Variants in CNOT3 observed in about 807,000 individuals in gnomAD.
CNOT3 encodes the protein CCR4-NOT transcription complex subunit 3, also known as CCR4-associated factor 3.
In CNOT3, 2 loss-of-function variants were observed where a neutral mutation model predicts 89.4. The ratio of observed to expected loss-of-function variants is 0.02; its 90% CI spans 0.01 to 0.07. CNOT3 has a LOEUF of 0.07. Ranked by LOEUF, CNOT3 falls within the 10% of genes least tolerant of loss-of-function variation. The pLI, the probability that CNOT3 is intolerant of heterozygous loss-of-function variation, is 1.00. For missense variants in CNOT3, 664 were observed against 1,010.2 expected, an observed-to-expected ratio of 0.66 and a Z score of 4.65; for synonymous variants, 486 against 402.0, an observed-to-expected ratio of 1.21 and a Z score of -2.50.
intron 1 of CNOT3, among the ~76,000 whole-genome samples, chr19:54,139,310 C>T (rs1418706779): frequency 6.6e-6 from 1 of 152,168 alleles, no homozygotes; most frequent in Non-Finnish European, 1.5e-5. Flanking sequence ...AAGCCCACTG[C>T]CCTTGATATT....
rs369673103 is a variant in CNOT3, at chr19:54,144,023, A to G, written c.276A>G (p.Lys92=). 6.5e-5 allele frequency: 103 copies of G among 1,596,068 alleles called. No individual in the cohort carries two copies. Among genetic ancestry groups the G allele is most frequent in the Non-Finnish European group, 8.1e-5 (95 of 1,175,384 alleles). Residue 92 remains lysine, a synonymous_variant, in exon 6 of 18, where the codon AAA becomes AAG. Transcript: ENST00000221232. The surrounding 1 kb of genome is among the most constrained non-coding windows in gnomAD (Gnocchi z 4.8). ...KLIETQMERF[K]VVERETKTKA... ...CTCTACAGCAAATGGAACGGTTCAA[A>G]GTTGTGGAACGAGAGACCAAAACCA...
chr19:54,155,502 A>T lies in CNOT3; in HGVS notation c.*95A>T. The T allele has an allele frequency of 1.0e-6, 1 of 961,040 alleles. No individual in the cohort carries two copies. The highest frequency in any genetic ancestry group is 1.5e-6 in the Non-Finnish European group (1 of 647,134). The allele number at this position is 961,040 out of a possible 1,614,324, so 59.5% of individuals were successfully genotyped here. A position where few individuals can be genotyped will look rare whatever the true frequency, so the allele number is the denominator to read the frequency against. On this transcript the variant is annotated 3_prime_UTR_variant, in exon 18 of 18. Transcript: ENST00000221232. Reference sequence around the variant, plus strand: ...CCTGGAAGACTGGAGGGAGGCCCCAAGCCACGGGGCATCCCCCTCTCCCAG... The same window carrying T: ...CCTGGAAGACTGGAGGGAGGCCCCATGCCACGGGGCATCCCCCTCTCCCAG...
At chr19:54,138,452 C>A (rs1183377412) in intron 1 of CNOT3, among the ~76,000 whole-genome samples, 1 of 152,284 alleles carries the variant, frequency 6.6e-6, no homozygotes, top group African/African-American at 2.4e-5. Context: ...GGCCTCGGTC[C>A]TTCGCGTTGT....
At chr19:54,154,158 C>T in intron 17 of CNOT3, 1 of 555,398 alleles carries the variant, frequency 1.8e-6, no homozygotes, top group Non-Finnish European at 3.5e-6. Flanking sequence ...TGGGATTTTC[C>T]CAGTATGTGT....
In CNOT3 at chr19:54,144,448, C is replaced by A; in HGVS notation, c.483+116C>A. ...TTGGGGCCTGGATTCCTCAGGCGGA[C>A]AGGGCCAACAGCCGGGATTAGGGAT... On this transcript the variant is annotated intron_variant, in intron 7 of 17. Transcript: ENST00000221232. The surrounding 1 kb of genome is among the most constrained non-coding windows in gnomAD (Gnocchi z 4.8). 2.7e-6 allele frequency: 2 copies of A among 742,174 alleles called. No individual in the cohort carries two copies. The highest frequency in any genetic ancestry group is 4.7e-6 in the Non-Finnish European group (2 of 426,082). 46.0% of individuals were successfully genotyped at this position (742,174 alleles called of 1,614,324 possible).
At chr19:54,147,965 A>G (rs1330607498) in intron 10 of CNOT3, among the ~76,000 whole-genome samples, 183 bp from the exon 11 acceptor site, 1 of 152,106 alleles carries the variant, frequency 6.6e-6, no homozygotes, top group East Asian at 1.9e-4. Flanking sequence ...TGTTTTAAGC[A>G]TGAAGGTGAT....
At chr19:54,147,320 G>A (rs770434680) in intron 10 of CNOT3, among the ~76,000 whole-genome samples, 7 of 152,314 alleles carry the variant, frequency 4.6e-5, no homozygotes, top group Non-Finnish European at 8.8e-5. Context: ...GGTTCCAAGG[G>A]GACACCCTGA....
chr19:54,149,787 C>T, intron 13 of CNOT3, 29 bp downstream of exon 13: 1 of 1,566,682 alleles, frequency 6.4e-7, no homozygotes, highest in South Asian at 1.2e-5. Context: ...CCCCGAGCCT[C>T]TGTGTCCTGA....
chr19:54,151,087 G>A (rs587722200), intron 13 of CNOT3, among the ~76,000 whole-genome samples: 4 of 152,244 alleles, frequency 2.6e-5, no homozygotes, highest in South Asian at 2.1e-4. Flanking sequence ...CACCGTGCCC[G>A]GCCCAAATTT....
rs1193635024 is a variant in CNOT3, at chr19:54,152,297, T to C, written c.1677T>C (p.Pro559=). The change falls in exon 14 of 18, where the codon CCT becomes CCC. Residue 559 remains proline, a synonymous_variant. Coordinates refer to ENST00000221232, the MANE Select transcript of CNOT3 (RefSeq NM_014516.4). ...CCATCAGCTCTGGCATTGAGGACCCTGTGCCAACGCTGCACCTGACCGAGC... is the reference window on the plus strand; with the variant it reads ...CCATCAGCTCTGGCATTGAGGACCCCGTGCCAACGCTGCACCTGACCGAGC... ...RAAISSGIED[P]VPTLHLTERD... 6.2e-7 allele frequency: 1 copy of C among 1,614,056 alleles called. No homozygotes were observed. The highest frequency in any genetic ancestry group is 1.3e-5 in the African/African-American group (1 of 74,920).
At chr19:54,140,266 G>A (rs2074394194) in intron 1 of CNOT3, among the ~76,000 whole-genome samples, 1 of 150,348 alleles carries the variant, frequency 6.7e-6, no homozygotes, top group Non-Finnish European at 1.5e-5. Flanking sequence ...CCCGCCACCC[G>A]CCTTGTGGGT....
Position 54,148,474 on chromosome 19 carries a change from GAGC to G in CNOT3, c.1230_1232del (p.Ser412del), listed in dbSNP as rs1456346597. ...GAGGCGGCGGCAGCGGAGGCGGAGG[GAGC>G]AGCAGCAGTAGTAACAGCAGTGCCG... On this transcript the variant is annotated inframe_deletion, in exon 11 of 18. Transcript: ENST00000221232. This position sits in a 1 kb window ranked among gnomAD's most constrained non-coding sequence, Gnocchi z 6.3. 3.8e-6 allele frequency: 6 copies of G among 1,561,130 alleles called. No homozygotes were observed. Among genetic ancestry groups the G allele is most frequent in the Non-Finnish European group, 4.3e-6 (5 of 1,150,930 alleles).
chr19:54,148,114 T>C lies in CNOT3; in HGVS notation c.895-34T>C. 7.2e-7 allele frequency: 1 copy of C among 1,392,854 alleles called. No homozygotes were observed. Among genetic ancestry groups the C allele is most frequent in the Non-Finnish European group, 9.4e-7 (1 of 1,068,292 alleles). 86.3% of individuals were successfully genotyped at this position (1,392,854 alleles called of 1,614,324 possible). A position where few individuals can be genotyped will look rare whatever the true frequency, so the allele number is the denominator to read the frequency against. ...TGGTGAGGGAGACCAGCTGGCCCACTGGGTCCTGACCCTCTGCTCTCTCCC... is the reference window on the plus strand; with the variant it reads ...TGGTGAGGGAGACCAGCTGGCCCACCGGGTCCTGACCCTCTGCTCTCTCCC... On this transcript the variant is annotated intron_variant, in intron 10 of 17. Coordinates refer to ENST00000221232, the MANE Select transcript of CNOT3 (RefSeq NM_014516.4). This position sits in a 1 kb window ranked among gnomAD's most constrained non-coding sequence, Gnocchi z 6.3.
At chr19:54,155,211 A>G in intron 17 of CNOT3, 98 bp from the exon 18 acceptor site, 2 of 1,498,264 alleles carry the variant, frequency 1.3e-6, no homozygotes, top group Non-Finnish European at 1.8e-6. Flanking sequence ...TGCCTGACAC[A>G]TCCACAGCCC....
Position 54,149,064 on chromosome 19 carries a change from T to C in CNOT3, c.1406+321T>C, listed in dbSNP as rs587715370. Among the ~76,000 whole-genome samples, 12 of 152,370 alleles carry C rather than the reference T, an allele frequency of 7.9e-5. No homozygotes were observed. In the South Asian group the frequency reaches 2.5e-3, roughly 32 times the overall value. On this transcript the variant is annotated intron_variant, in intron 12 of 17. Transcript: ENST00000221232. ...CAATTGACTGCCACCGGAGGGTCAC[T>C]GTTTCACTTTTCAAAGTGAATTGTC...
rs1417478534 is a variant in CNOT3 at position 54,149,699 on chromosome 19, A to G, written c.1546A>G (p.Lys516Glu). 6.2e-7 allele frequency: 1 copy of G among 1,613,878 alleles called. No homozygotes were observed. Among genetic ancestry groups the G allele is most frequent in the African/African-American group, 1.3e-5 (1 of 74,910 alleles). The change falls in exon 13 of 18, where the codon AAG becomes GAG. Residue 516 changes from lysine to glutamate, a missense_variant. This residue lies in a region of CNOT3 where 545 missense variants were observed against 566.2 expected (regional missense o/e 0.96). Coordinates refer to ENST00000221232, the MANE Select transcript of CNOT3 (RefSeq NM_014516.4). Reference sequence around the variant, plus strand: ...CCCAACGCCCAGCTTCAGTGATGCCAAGGCAGCCGGTGCCCTGCTCAATGG... The same window carrying G: ...CCCAACGCCCAGCTTCAGTGATGCCGAGGCAGCCGGTGCCCTGCTCAATGG... ...SSPTPSFSDA[K>E]AAGALLNGPP...
intron 13 of CNOT3, among the ~76,000 whole-genome samples, 173 bp from the exon 14 acceptor site, chr19:54,152,053 A>C (rs587759239): frequency 6.6e-6 from 1 of 152,132 alleles, no homozygotes; most frequent in Non-Finnish European, 1.5e-5. Context: ...GTGGTCTCCG[A>C]TTGTTTCCCT....
Position 54,144,399 on chromosome 19 carries a change from G to T in CNOT3, c.483+67G>T, listed in dbSNP as rs2074574170. On this transcript the variant is annotated intron_variant, in intron 7 of 17. Coordinates refer to ENST00000221232, the MANE Select transcript of CNOT3 (RefSeq NM_014516.4). This position sits in a 1 kb window ranked among gnomAD's most constrained non-coding sequence, Gnocchi z 4.8. ...ATGGGAATGGGCTGGCCAGCAGGAGGCCAGTCATTTATGCTCCTGGGAGTT... is the reference window on the plus strand; with the variant it reads ...ATGGGAATGGGCTGGCCAGCAGGAGTCCAGTCATTTATGCTCCTGGGAGTT... 1 of 1,208,982 alleles carries T rather than the reference G, an allele frequency of 8.3e-7. No individual in the cohort carries two copies. The highest frequency in any genetic ancestry group is 1.8e-5 in the Admixed American group (1 of 55,962). 74.9% of individuals were successfully genotyped at this position (1,208,982 alleles called of 1,614,324 possible).
intron 3 of CNOT3, 98 bp from the exon 4 acceptor site, chr19:54,143,344 G>GGT (rs1555801497): frequency 4.5e-6 from 6 of 1,347,636 alleles, no homozygotes; most frequent in Non-Finnish European, 6.4e-6. Flanking sequence ...GTAGGGGTTG[G>GGT]GGGGGGTCCT....
Sources: allele counts gnomAD v4.1 joint callset (sites outside exome capture counted in the v4.1 genomes callset), GRCh38; gene constraint gnomAD v4.1.1; regional missense constraint gnomAD v4.1.1; non-coding constraint Gnocchi (gnomAD v3.1); transcripts MANE v1.5; gene names NCBI Gene and HGNC (gene_info 2026-07-23, HGNC 2026-07-21).